The following CNOT6 variants were observed in gnomAD, a reference collection of about 807,000 sequenced individuals.
The protein encoded by CNOT6 is carbon catabolite repression 4 protein.
CNOT6 carries 12 observed loss-of-function variants against 61.2 expected under a neutral mutation model. The ratio of observed to expected loss-of-function variants is 0.20; its 90% confidence interval spans 0.13 to 0.32. The LOEUF (loss-of-function observed/expected upper bound fraction) is 0.32, where lower values mean the gene tolerates loss of function less well. Ranked by LOEUF, CNOT6 falls within the 10% of genes least tolerant of loss-of-function variation. The pLI, the probability that CNOT6 is intolerant of heterozygous loss-of-function variation, is 1.00. For missense variants in CNOT6, 405 were observed against 663.9 expected, an observed-to-expected ratio of 0.61 and a Z score of 4.28; for synonymous variants, 225 against 240.6, an observed-to-expected ratio of 0.94 and a Z score of 0.60.
chr5:180,530,321 T>C (rs1758292798), intron 2 of CNOT6, among the ~76,000 whole-genome samples: 1 of 152,222 alleles, frequency 6.6e-6, no homozygotes. Flanking sequence ...ATGGAGCTTA[T>C]GACATTAGGG....
intron 1 of CNOT6, among the ~76,000 whole-genome samples, chr5:180,527,438 T>C (rs911937592): frequency 3.9e-5 from 6 of 152,174 alleles, no homozygotes; most frequent in African/African-American, 7.2e-5. Context: ...TTAAAAAAAT[T>C]TTTAATTGTA....
chr5:180,495,232 A>G (rs972711776), intron 1 of CNOT6, among the ~76,000 whole-genome samples: 10 of 152,170 alleles, frequency 6.6e-5, no homozygotes, highest in Non-Finnish European at 1.0e-4. Flanking sequence ...CTCCCCTAAA[A>G]TGTTTTTAAA....
intron 1 of CNOT6, among the ~76,000 whole-genome samples, chr5:180,522,013 C>A (rs866224972): frequency 1.3e-5 from 2 of 152,156 alleles, no homozygotes; most frequent in African/African-American, 4.8e-5. Flanking sequence ...AGTGCATGTA[C>A]CTTTTTTGTA....
At chr5:180,500,252 A>T (rs1756810299) in intron 1 of CNOT6, among the ~76,000 whole-genome samples, 1 of 151,736 alleles carries the variant, frequency 6.6e-6, no homozygotes, top group Non-Finnish European at 1.5e-5. Flanking sequence ...CTGGTATCAC[A>T]GGTGTGTGCC....
At chr5:180,569,793 C>G (rs1760650643) in intron 10 of CNOT6, among the ~76,000 whole-genome samples, 1 of 152,260 alleles carries the variant, frequency 6.6e-6, no homozygotes, top group South Asian at 2.1e-4. Context: ...TTTATTTGCA[C>G]ACATATCAGT....
intron 1 of CNOT6, among the ~76,000 whole-genome samples, chr5:180,510,761 A>G (rs1757353365): frequency 6.6e-6 from 1 of 151,996 alleles, no homozygotes; most frequent in Admixed American, 6.6e-5. Context: ...TTTTTGGGTG[A>G]GTGTCTTTTG....
At chr5:180,509,924 C>T (rs1427126007) in intron 1 of CNOT6, among the ~76,000 whole-genome samples, 1 of 148,414 alleles carries the variant, frequency 6.7e-6, no homozygotes, top group Non-Finnish European at 1.5e-5. Flanking sequence ...GGTTCTGATA[C>T]CAAGATACCT....
At chr5:180,564,650 A>G in intron 5 of CNOT6, 25 bp from the exon 6 acceptor site, 1 of 1,609,902 alleles carries the variant, frequency 6.2e-7, no homozygotes, top group Non-Finnish European at 8.5e-7. Flanking sequence ...AATATTGCTT[A>G]ATTCTGTATT....
intron 1 of CNOT6, among the ~76,000 whole-genome samples, chr5:180,510,966 G>A (rs1757363309): frequency 2.0e-5 from 3 of 151,940 alleles, no homozygotes; most frequent in South Asian, 2.1e-4. Flanking sequence ...CACCATTCCC[G>A]GCTAATTTTT....
rs1357612178 is a variant in CNOT6 at position 180,531,229 on chromosome 5, G to GT, written c.112+1841_112+1842insT. Reference sequence around the variant, plus strand: ...CAGAGGGGCTCCTCACTTCCCAGACGGGGCGGCTGCCGGGCAGAGGGGCTC... The same window carrying GT: ...CAGAGGGGCTCCTCACTTCCCAGACGTGGGCGGCTGCCGGGCAGAGGGGCTC... On this transcript the variant is annotated intron_variant, in intron 2 of 11. Transcript: ENST00000261951. 3.0e-3 allele frequency among the ~76,000 whole-genome samples: 448 copies of GT among 148,978 alleles called. 2 individuals are homozygous for GT. Among genetic ancestry groups the GT allele is most frequent in the African/African-American group, 0.01 (426 of 40,836 alleles).
chr5:180,556,571 A>C (rs183700965), intron 4 of CNOT6, among the ~76,000 whole-genome samples: 1 of 150,986 alleles, frequency 6.6e-6, no homozygotes, highest in South Asian at 2.1e-4. Flanking sequence ...GAACATCTCT[A>C]TCACCAGAAG....
intron 1 of CNOT6, among the ~76,000 whole-genome samples, chr5:180,505,121 G>A (rs1323841959): frequency 1.3e-5 from 2 of 150,378 alleles, no homozygotes; most frequent in East Asian, 3.9e-4. Flanking sequence ...ACCACACCCA[G>A]CTAATTTTTT....
intron 2 of CNOT6, among the ~76,000 whole-genome samples, chr5:180,532,295 G>C (rs1758428522): frequency 6.6e-6 from 1 of 152,082 alleles, no homozygotes; most frequent in Non-Finnish European, 1.5e-5. Flanking sequence ...TTGCTTGTAA[G>C]GAAGTGTCCC....
intron 1 of CNOT6, among the ~76,000 whole-genome samples, chr5:180,522,770 C>T (rs1757935765): frequency 6.6e-6 from 1 of 152,118 alleles, no homozygotes; most frequent in Non-Finnish European, 1.5e-5. Flanking sequence ...TGCCTTAGCT[C>T]CCAAAGTAGG....
At chr5:180,514,954 T>C (rs1359149232) in intron 1 of CNOT6, among the ~76,000 whole-genome samples, 5 of 152,290 alleles carry the variant, frequency 3.3e-5, no homozygotes, top group East Asian at 1.9e-4. Flanking sequence ...AGAGGTGATA[T>C]ATGCTGTGGT....
intron 1 of CNOT6, among the ~76,000 whole-genome samples, chr5:180,514,979 C>T (rs1757566461): frequency 6.6e-6 from 1 of 152,100 alleles, no homozygotes; most frequent in East Asian, 1.9e-4. Context: ...GTATGGTGTG[C>T]ATGCAGAGTG....
At position 180,565,883 on chromosome 5, in the gene CNOT6, G is replaced by T; in HGVS notation, c.623G>T (p.Gly208Val). Residue 208 changes from glycine (G) to valine (V), a missense_variant, in exon 7 of 12, where the codon GGC (glycine) becomes GTC (valine). Around this residue, in one of 5 missense-constraint regions of CNOT6, gnomAD observed 212 missense variants for 307.1 expected, o/e 0.69. Transcript: ENST00000261951. Reference sequence around the variant, plus strand: ...AAATATGCGACCCGGCAGTTATACGGCTACTGTCCATCATGGGCGCTAAAC... The same window carrying T: ...AAATATGCGACCCGGCAGTTATACGTCTACTGTCCATCATGGGCGCTAAAC... ...CDKYATRQLY[G>V]YCPSWALNWD... 1 of 1,613,702 alleles carries T rather than the reference G, an allele frequency of 6.2e-7. No individual in the cohort carries two copies. The highest frequency in any genetic ancestry group is 1.1e-5 in the South Asian group (1 of 91,042).
chr5:180,552,632 C>T (rs962764341), intron 3 of CNOT6, among the ~76,000 whole-genome samples: 2 of 143,742 alleles, frequency 1.4e-5, no homozygotes, highest in Admixed American at 7.2e-5. Flanking sequence ...GGCAATGGAG[C>T]GAGACTCCGT....
intron 2 of CNOT6, among the ~76,000 whole-genome samples, chr5:180,537,444 C>A (rs1758756831): frequency 6.6e-6 from 1 of 151,800 alleles, no homozygotes; most frequent in African/African-American, 2.4e-5. Flanking sequence ...GGTGTGTGTT[C>A]AAATCTTTTG....
Sources: allele counts gnomAD v4.1 joint callset (sites outside exome capture counted in the v4.1 genomes callset), GRCh38; gene constraint gnomAD v4.1.1; regional missense constraint gnomAD v4.1.1; transcripts MANE v1.5; gene names NCBI Gene and HGNC (gene_info 2026-07-23, HGNC 2026-07-21).